The following GPHN variants were observed in gnomAD, a reference collection of about 807,000 sequenced individuals.
GPHN encodes gephyrin.
In GPHN, 17 loss-of-function variants were observed where a neutral mutation model predicts 95.5. The observed-to-expected ratio is 0.18, with a 90% CI of 0.12 to 0.27. GPHN has a LOEUF of 0.27. GPHN is among the 10% of genes least tolerant of loss of function. The pLI is 1.00. For synonymous variants in GPHN, 320 were observed against 322.5 expected, an observed-to-expected ratio of 0.99 and a Z score of 0.08; for missense variants, 660 against 978.1, an observed-to-expected ratio of 0.67 and a Z score of 4.34.
chr14:67,006,408 C>T (rs2153613640), intron 9 of GPHN, among the ~76,000 whole-genome samples: 1 of 152,208 alleles, frequency 6.6e-6, no homozygotes, highest in African/African-American at 2.4e-5. Context: ...TATTTTTTCT[C>T]TTTGGCAACT....
At chr14:67,725,103 C>T in the GPHN span, 4 of 1,614,134 alleles carry the variant, frequency 2.5e-6, no homozygotes, top group African/African-American at 1.3e-5. Flanking sequence ...ACCCAGGAGC[C>T]CGAGTCTATA....
At chr14:66,853,279 C>T (rs966588049) in intron 4 of GPHN, among the ~76,000 whole-genome samples, 2 of 152,060 alleles carry the variant, frequency 1.3e-5, no homozygotes, top group African/African-American at 4.8e-5. Flanking sequence ...AGCACATCTG[C>T]ATTTTTAATT....
chr14:67,029,266 C>T (rs1483212149), intron 10 of GPHN, among the ~76,000 whole-genome samples: 2 of 151,492 alleles, frequency 1.3e-5, no homozygotes, highest in Non-Finnish European at 2.9e-5. Flanking sequence ...GTTACAATTA[C>T]TACTAGTACT....
At chr14:67,074,766 A>G (rs1433851111) in intron 11 of GPHN, among the ~76,000 whole-genome samples, 1 of 152,156 alleles carries the variant, frequency 6.6e-6, no homozygotes, top group African/African-American at 2.4e-5. Flanking sequence ...CCTTAAGCCA[A>G]AGCGTAATCC....
At chr14:66,648,629 T>A (rs1045298466) in intron 1 of GPHN, among the ~76,000 whole-genome samples, 1 of 152,194 alleles carries the variant, frequency 6.6e-6, no homozygotes, top group South Asian at 2.1e-4. Flanking sequence ...TAGGCTATAC[T>A]ATTTAGATTT....
chr14:67,246,387 C>T, the GPHN span, among the ~76,000 whole-genome samples: 1 of 152,162 alleles, frequency 6.6e-6, no homozygotes, highest in Non-Finnish European at 1.5e-5. Flanking sequence ...CTCTGTCACC[C>T]AGGCTGGAGT....
the GPHN span, among the ~76,000 whole-genome samples, chr14:67,203,869 G>A: frequency 2.2e-4 from 34 of 152,200 alleles, no homozygotes; most frequent in Admixed American, 2.0e-4. Flanking sequence ...ACACCACCAC[G>A]CTCAGCTAAT....
At chr14:67,254,327 C>G in the GPHN span, 2 of 151,764 alleles carry the variant, frequency 1.3e-5, no homozygotes, top group Non-Finnish European at 2.9e-5. Flanking sequence ...TTAGCTTAAC[C>G]CTTTTTCCTA....
At chr14:66,844,484 T>A (rs2062234625) in intron 4 of GPHN, among the ~76,000 whole-genome samples, 1 of 152,036 alleles carries the variant, frequency 6.6e-6, no homozygotes, top group East Asian at 1.9e-4. Flanking sequence ...ATATAGAGAT[T>A]TGAAGTGTTT....
intron 1 of GPHN, among the ~76,000 whole-genome samples, chr14:66,580,231 A>C (rs1265664662): frequency 2.6e-5 from 4 of 151,892 alleles, no homozygotes; most frequent in African/African-American, 9.7e-5. Flanking sequence ...ATAAGAGAGA[A>C]GTTTATAGCA....
At chr14:67,726,976 C>T in the GPHN span, 1 of 1,612,082 alleles carries the variant, frequency 6.2e-7, no homozygotes, top group Non-Finnish European at 8.5e-7. Flanking sequence ...TGGCTCTCCT[C>T]ACAGGCCACT....
At chr14:67,292,805 T>G in the GPHN span, 1 of 1,000,400 alleles carries the variant, frequency 1.0e-6, no homozygotes, top group Non-Finnish European at 1.5e-6. Context: ...CTAATGTGAC[T>G]ATAAGATTTG....
chr14:67,326,945 C>T, the GPHN span, among the ~76,000 whole-genome samples: 3 of 151,710 alleles, frequency 2.0e-5, no homozygotes, highest in Admixed American at 6.6e-5. Flanking sequence ...GAGGCCGAGG[C>T]GGGCAGATCA....
chr14:67,660,589 C>A, the GPHN span, among the ~76,000 whole-genome samples: 4 of 152,320 alleles, frequency 2.6e-5, no homozygotes, highest in African/African-American at 7.2e-5. Flanking sequence ...CCTTCTCCTG[C>A]TCCTCTTTCT....
chr14:66,670,089 A>C (rs2066216485), intron 1 of GPHN, among the ~76,000 whole-genome samples: 1 of 152,074 alleles, frequency 6.6e-6, no homozygotes, highest in South Asian at 2.1e-4. Flanking sequence ...TCATTCTGAC[A>C]CTTCATCTGA....
At chr14:67,726,395 C>T in the GPHN span, among the ~76,000 whole-genome samples, 1 of 152,180 alleles carries the variant, frequency 6.6e-6, no homozygotes, top group South Asian at 2.1e-4. Context: ...AGAAGAATGT[C>T]ATTCTTGGAT....
intron 1 of GPHN, among the ~76,000 whole-genome samples, chr14:66,549,957 A>G (rs1295586513): frequency 6.6e-6 from 1 of 152,232 alleles, no homozygotes; most frequent in Non-Finnish European, 1.5e-5. Context: ...GCTCAGAAAG[A>G]AAGCTTTATT....
chr14:67,732,559 A>C, the GPHN span, among the ~76,000 whole-genome samples: 6 of 148,508 alleles, frequency 4.0e-5, no homozygotes, highest in Non-Finnish European at 7.4e-5. Context: ...AAGACTGTAC[A>C]GAAAGCAACT....
intron 1 of GPHN, among the ~76,000 whole-genome samples, chr14:66,594,593 G>A (rs138990938): frequency 6.6e-5 from 10 of 152,252 alleles, no homozygotes; most frequent in African/African-American, 1.4e-4. Context: ...ATAAATGGTC[G>A]TAGGGAAACT....
Sources: gnomAD v4.1 joint callset for allele counts (sites outside exome capture counted in the v4.1 genomes callset) on GRCh38, gnomAD v4.1.1 for gene constraint, MANE v1.5 for transcripts, NCBI Gene and HGNC (gene_info 2026-07-23, HGNC 2026-07-21) for gene names.